Variants in TAFA2 observed in about 807,000 individuals in gnomAD.
TAFA2 encodes chemokine-like protein TAFA-2.
Under a neutral mutation model 18.8 loss-of-function variants are expected in TAFA2, and 7 were observed. That is an observed-to-expected ratio of 0.37 (90% CI 0.21 to 0.70). The LOEUF (loss-of-function observed/expected upper bound fraction) is 0.70. Among genes scored for constraint, TAFA2 ranks in the 30% least tolerant of loss-of-function variants. The pLI is 0.53. For missense variants in TAFA2, 122 were observed against 158.1 expected, an observed-to-expected ratio of 0.77 and a Z score of 1.23; for synonymous variants, 60 against 54.2, an observed-to-expected ratio of 1.11 and a Z score of -0.47.
intron 1 of TAFA2, among the ~76,000 whole-genome samples, chr12:62,063,056 C>T (rs1882394115): frequency 6.6e-6 from 1 of 151,922 alleles, no homozygotes; most frequent in Non-Finnish European, 1.5e-5. Flanking sequence ...GGAAGATCTC[C>T]CATCTCAATA....
intron 1 of TAFA2, among the ~76,000 whole-genome samples, chr12:62,028,583 C>G (rs1294019583): frequency 6.6e-6 from 1 of 152,126 alleles, no homozygotes; most frequent in Non-Finnish European, 1.5e-5. Flanking sequence ...TGAGAGTCAC[C>G]AGAATCCATC....
At chr12:62,109,062 T>C (rs924218333) in intron 1 of TAFA2, among the ~76,000 whole-genome samples, 1 of 152,242 alleles carries the variant, frequency 6.6e-6, no homozygotes, top group African/African-American at 2.4e-5. Flanking sequence ...CCCATGCCTA[T>C]GTCCTGAATG....
intron 1 of TAFA2, among the ~76,000 whole-genome samples, chr12:61,899,548 C>T (rs1876004773): frequency 6.6e-6 from 1 of 152,150 alleles, no homozygotes; most frequent in Non-Finnish European, 1.5e-5. Flanking sequence ...ATAAAACCAT[C>T]AGATCTCATG....
intron 2 of TAFA2, among the ~76,000 whole-genome samples, chr12:61,805,454 T>C (rs914729007): frequency 2.0e-5 from 3 of 152,130 alleles, no homozygotes; most frequent in African/African-American, 7.2e-5. Flanking sequence ...TTTTTCATTG[T>C]AAACAAAAAT....
At chr12:61,981,151 C>T (rs1879622431) in intron 1 of TAFA2, among the ~76,000 whole-genome samples, 2 of 152,102 alleles carry the variant, frequency 1.3e-5, no homozygotes, top group Admixed American at 6.6e-5. Context: ...AGAAATAACA[C>T]CGCACATCTA....
chr12:62,208,131 GA>G (rs1383535030), intron 1 of TAFA2, among the ~76,000 whole-genome samples: 1 of 152,120 alleles, frequency 6.6e-6, no homozygotes, highest in Non-Finnish European at 1.5e-5. Flanking sequence ...GGTAAAATTT[GA>G]AATTAGAGAA....
chr12:61,958,850 G>T, intron 1 of TAFA2, among the ~76,000 whole-genome samples: 1 of 151,866 alleles, frequency 6.6e-6, no homozygotes, highest in Admixed American at 6.6e-5. Flanking sequence ...AGTCTAAGGA[G>T]ATTTCCTAAC....
At chr12:61,924,823 G>A (rs1391111598) in intron 1 of TAFA2, among the ~76,000 whole-genome samples, 2 of 152,188 alleles carry the variant, frequency 1.3e-5, no homozygotes, top group Admixed American at 1.3e-4. Flanking sequence ...ATCCGTCAGT[G>A]TGCTGTATTC....
chr12:62,065,983 A>G (rs918369057), intron 1 of TAFA2, among the ~76,000 whole-genome samples: 1 of 151,958 alleles, frequency 6.6e-6, no homozygotes, highest in Non-Finnish European at 1.5e-5. Context: ...CTGTAGATAA[A>G]CCCTGTCATT....
At chr12:62,118,941 T>C (rs1870079332) in intron 1 of TAFA2, among the ~76,000 whole-genome samples, 1 of 152,164 alleles carries the variant, frequency 6.6e-6, no homozygotes, top group African/African-American at 2.4e-5. Context: ...TTAATTTTAA[T>C]ATAGCAAAAT....
At chr12:61,715,923 A>T (rs1186094164) in intron 4 of TAFA2, among the ~76,000 whole-genome samples, 4 of 152,028 alleles carry the variant, frequency 2.6e-5, no homozygotes, top group Admixed American at 6.6e-5. Context: ...TAAAAAAAAA[A>T]ATTGTAAAAA....
chr12:62,155,684 A>G (rs1195190019), intron 1 of TAFA2, among the ~76,000 whole-genome samples: 1 of 152,128 alleles, frequency 6.6e-6, no homozygotes, highest in Non-Finnish European at 1.5e-5. Context: ...ACAAAAACCT[A>G]AAGTGGGGAA....
chr12:61,746,652 G>A lies in TAFA2; in HGVS notation c.384+6970C>T, dbSNP rs534641998. Among the ~76,000 whole-genome samples, 3 of 152,196 alleles carry A rather than the reference G, an allele frequency of 2.0e-5. No homozygotes were observed. The South Asian group carries it at 6.2e-4, about 32-fold the overall frequency. ...AGATAATTACTGGATATTGTATTAA[G>A]TCATTAAATTTGTGGTAATTTGCTA... On this transcript the variant is annotated intron_variant, in intron 4 of 4. Transcript: ENST00000416284.
In TAFA2 at chr12:62,018,713, C is replaced by T. The variant is rs954975773; in HGVS notation, c.-1-151287G>A. On this transcript the variant is annotated intron_variant, in intron 1 of 4. Transcript: ENST00000416284. ...GACTTAAATGTTAGACCTAAAACCA[C>T]AAAAACCCTAGAAGAAAACCTAGGC... Among the ~76,000 whole-genome samples the T allele has an allele frequency of 5.3e-5, 8 of 152,140 alleles. No individual in the cohort carries two copies. The South Asian group carries it at 1.7e-3, about 32-fold the overall frequency.
chr12:61,941,863 G>C (rs1043454194), intron 1 of TAFA2, among the ~76,000 whole-genome samples: 8 of 152,092 alleles, frequency 5.3e-5, no homozygotes, highest in Non-Finnish European at 8.8e-5. Context: ...CAAGGCGGCA[G>C]CGAGGCTGGG....
At chr12:61,779,853 G>C (rs1870428793) in intron 2 of TAFA2, among the ~76,000 whole-genome samples, 2 of 151,654 alleles carry the variant, frequency 1.3e-5, no homozygotes, top group South Asian at 2.1e-4. Flanking sequence ...TGAATCTATG[G>C]TGTCTTCTTA....
intron 1 of TAFA2, among the ~76,000 whole-genome samples, chr12:61,962,175 T>G (rs1399882058): frequency 6.6e-6 from 1 of 152,044 alleles, no homozygotes; most frequent in African/African-American, 2.4e-5. Flanking sequence ...CAGGAATTCC[T>G]GTTTATTCTC....
At chr12:61,959,989 C>T (rs1386469894) in intron 1 of TAFA2, among the ~76,000 whole-genome samples, 15 of 151,924 alleles carry the variant, frequency 9.9e-5, no homozygotes, top group Admixed American at 9.9e-4. Context: ...GTCCTTCCAC[C>T]TCTGTGTCCT....
At chr12:61,829,362 T>TA (rs1454646712) in intron 2 of TAFA2, among the ~76,000 whole-genome samples, 5 of 151,786 alleles carry the variant, frequency 3.3e-5, no homozygotes, top group African/African-American at 1.2e-4. Flanking sequence ...AATGGATAGA[T>TA]TATCATCATT....
Sources: gnomAD v4.1 joint callset for allele counts (sites outside exome capture counted in the v4.1 genomes callset) on GRCh38, gnomAD v4.1.1 for gene constraint, MANE v1.5 for transcripts, NCBI Gene and HGNC (gene_info 2026-07-23, HGNC 2026-07-21) for gene names.